RSAD2: variants seen among roughly 807,000 people sequenced by gnomAD.
RSAD2 encodes the protein S-adenosylmethionine-dependent nucleotide dehydratase RSAD2.
In RSAD2, 38 loss-of-function variants were observed where a neutral mutation model predicts 37.7. The ratio of observed to expected loss-of-function variants is 1.01; its 90% CI spans 0.78 to 1.32. The LOEUF (loss-of-function observed/expected upper bound fraction) is 1.32, where lower values mean the gene tolerates loss of function less well. Among genes scored for constraint, RSAD2 ranks in the 40% most tolerant of loss-of-function variants. RSAD2 has a pLI of 0.00. For missense variants in RSAD2, 428 were observed against 437.5 expected, an observed-to-expected ratio of 0.98 and a Z score of 0.19; for synonymous variants, 163 against 157.4, an observed-to-expected ratio of 1.04 and a Z score of -0.27.
At chr2:6,878,717 C>G in intron 1 of RSAD2, 1 of 504,266 alleles carries the variant, frequency 2.0e-6, no homozygotes, top group Non-Finnish European at 2.9e-6. Flanking sequence ...ACATTAGTAA[C>G]TGGCAGCGTC....
At chr2:6,866,352 C>T (rs1663089944) in intron 1 of RSAD2, 2 of 830,090 alleles carry the variant, frequency 2.4e-6, no homozygotes, top group African/African-American at 3.7e-5. Flanking sequence ...AGTTCTGGCT[C>T]TTCCCTCTCC....
chr2:6,871,699 T>A (rs1192189561), intron 1 of RSAD2, among the ~76,000 whole-genome samples: 1 of 152,208 alleles, frequency 6.6e-6, no homozygotes, highest in Non-Finnish European at 1.5e-5. Flanking sequence ...CCTACCTGTA[T>A]TTTTTTGTGT....
In RSAD2 at chr2:6,883,533, G is replaced by T. The variant is rs200840905; in HGVS notation, c.508+1G>T. ...CGGGAGAGGTGGTTCCAGAATTATG[G>T]TGTGCTCCATGGGATGGCATTCTTC... On this transcript the variant is annotated splice_donor_variant, in intron 2 of 5. Transcript: ENST00000382040. LOFTEE classifies it high-confidence loss of function. The T allele has an allele frequency of 2.9e-5, 46 of 1,613,986 alleles. No homozygotes were observed. Among genetic ancestry groups the T allele is most frequent in the Non-Finnish European group, 3.4e-5 (40 of 1,180,010 alleles).
Position 6,877,932 on chromosome 2 carries a change from C to T in RSAD2, c.132C>T (p.Thr44=). 1 of 1,614,028 alleles carries T rather than the reference C, an allele frequency of 6.2e-7. No individual in the cohort carries two copies. Among genetic ancestry groups the T allele is most frequent in the Non-Finnish European group, 8.5e-7 (1 of 1,179,992 alleles). ...GGGCAACCTTCTGGCTGCTAGCTACCAAGAGGAGAAAGCAGCAGCTGGTCC... is the reference window on the plus strand; with the variant it reads ...GGGCAACCTTCTGGCTGCTAGCTACTAAGAGGAGAAAGCAGCAGCTGGTCC... The part of the protein sequence containing the change: ...WLRATFWLLA[T]KRRKQQLVLR... The change falls in exon 1 of 6, where the codon ACC becomes ACT. Residue 44 remains threonine (T), a synonymous_variant. Transcript: ENST00000382040.
intron 1 of RSAD2, among the ~76,000 whole-genome samples, chr2:6,872,094 C>A (rs114856942): frequency 6.6e-6 from 1 of 151,946 alleles, no homozygotes; most frequent in African/African-American, 2.4e-5. Flanking sequence ...AATTAACTTT[C>A]GGTAATGGTT....
intron 1 of RSAD2, among the ~76,000 whole-genome samples, chr2:6,872,392 C>T (rs1024281943): frequency 1.6e-4 from 24 of 152,026 alleles, no homozygotes; most frequent in African/African-American, 4.6e-4. Context: ...AATTGTAAAA[C>T]GTGTATTCTT....
chr2:6,883,637 T>G, intron 2 of RSAD2, 105 bp downstream of exon 2: 1 of 1,337,856 alleles, frequency 7.5e-7, no homozygotes, highest in Non-Finnish European at 1.0e-6. Context: ...GCTGAGGAAC[T>G]GGAAGGGAGG....
chr2:6,894,645 T>C (rs1663701999), intron 5 of RSAD2, among the ~76,000 whole-genome samples: 1 of 152,198 alleles, frequency 6.6e-6, no homozygotes, highest in Non-Finnish European at 1.5e-5. Context: ...TTTTTATGTA[T>C]TTTTTGTAGA....
rs956061736 is a variant in RSAD2, at chr2:6,889,039, T to C, written c.739-1137T>C. On this transcript the variant is annotated intron_variant, in intron 3 of 5. Transcript: ENST00000382040. ...CCCATGCCCAATCCCACACCCTCAA[T>C]ATTGTTCCCCTTCCAGCTCCTACGG... Among the ~76,000 whole-genome samples the C allele has an allele frequency of 2.0e-5, 3 of 152,282 alleles. No individual in the cohort carries two copies. In the South Asian group the frequency reaches 6.2e-4, roughly 32 times the overall value.
rs377506747 is a variant in RSAD2, at chr2:6,871,111, A to G, written c.142+5066A>G. Among the ~76,000 whole-genome samples, 20 of 152,356 alleles carry G rather than the reference A, an allele frequency of 1.3e-4. 3 individuals carry two copies. Among genetic ancestry groups the G allele is most frequent in the Admixed American group, 9.1e-4 (14 of 15,306 alleles). ...TCAGTTGGTACTTTGAAAGTCCTCA[A>G]TGGAATCAAGGCAGTCATCATCTCT... On this transcript the variant is annotated intron_variant, in intron 1 of 5. Transcript: ENST00000442639.
intron 2 of RSAD2, among the ~76,000 whole-genome samples, chr2:6,886,641 C>A (rs1156539646): frequency 1.3e-5 from 2 of 152,178 alleles, no homozygotes; most frequent in African/African-American, 4.8e-5. Flanking sequence ...AATTTGTATG[C>A]AGGAATAAAT....
At chr2:6,890,478 G>C (rs571979267) in intron 4 of RSAD2, among the ~76,000 whole-genome samples, 153 bp downstream of exon 4, 1 of 152,302 alleles carries the variant, frequency 6.6e-6, no homozygotes, top group East Asian at 1.9e-4. Context: ...AGATAGGGCT[G>C]AGGGCTGCCA....
chr2:6,877,865 G>A lies in RSAD2; in HGVS notation c.65G>A (p.Ser22Asn). 2.5e-6 allele frequency: 4 copies of A among 1,614,114 alleles called. No individual in the cohort carries two copies. The highest frequency in any genetic ancestry group is 3.4e-6 in the Non-Finnish European group (4 of 1,180,030). ...TTGAGTGTGTTCAGGCAACCTCTGA[G>A]CTCTCTGTGGAGGAGCCTGGTCCCG... ...KLLSVFRQPL[S>N]SLWRSLVPLF... Residue 22 changes from serine to asparagine, a missense_variant, in exon 1 of 6, where the codon AGC (serine) becomes AAC (asparagine). Physicochemically the swap from Ser to Asn is conservative, Grantham distance 46. Transcript: ENST00000382040.
chr2:6,872,546 G>A (rs1285860194), intron 1 of RSAD2, among the ~76,000 whole-genome samples: 2 of 151,650 alleles, frequency 1.3e-5, no homozygotes, highest in Non-Finnish European at 2.9e-5. Context: ...TTTTTGATAA[G>A]GAAGGTTGAA....
intron 3 of RSAD2, among the ~76,000 whole-genome samples, chr2:6,888,563 CTT>C (rs1367967914): frequency 1.2e-4 from 18 of 152,180 alleles, no homozygotes; most frequent in African/African-American, 4.3e-4. Flanking sequence ...TCATTGTTCT[CTT>C]TTGGTGTCCT....
At chr2:6,865,945 G>C (rs748517929) in exon 1 of RSAD2, 2 of 1,303,840 alleles carry the variant, frequency 1.5e-6, no homozygotes, top group African/African-American at 1.6e-5. Context: ...CAGACGCTTG[G>C]CCCCGGGGCC....
intron 1 of RSAD2, among the ~76,000 whole-genome samples, chr2:6,879,302 G>T (rs905331581): frequency 4.6e-5 from 7 of 151,876 alleles, no homozygotes; most frequent in Non-Finnish European, 1.0e-4. Flanking sequence ...GAAAACTCCT[G>T]ATCTTTTTTT....
At chr2:6,884,484 A>T (rs1663476445) in intron 2 of RSAD2, among the ~76,000 whole-genome samples, 1 of 152,190 alleles carries the variant, frequency 6.6e-6, no homozygotes, top group Admixed American at 6.5e-5. Flanking sequence ...AGAGAGAGAA[A>T]AAAGAAACTG....
In RSAD2 at chr2:6,869,548, C is replaced by T. The variant is rs373423160; in HGVS notation, c.142+3503C>T. Among the ~76,000 whole-genome samples the T allele has an allele frequency of 5.3e-5, 8 of 152,252 alleles. No homozygotes were observed. In the East Asian group the frequency reaches 1.5e-3, roughly 29 times the overall value. ...AGAGGTTAAAGAAGATGTCTGCAAC[C>T]AACATTTGTGTACAATCACTAACAA... On this transcript the variant is annotated intron_variant, in intron 1 of 5. Transcript: ENST00000442639.
Sources: allele counts gnomAD v4.1 joint callset (sites outside exome capture counted in the v4.1 genomes callset), GRCh38; gene constraint gnomAD v4.1.1; transcripts MANE v1.5; gene names NCBI Gene and HGNC (gene_info 2026-07-23, HGNC 2026-07-21).